Variants in REV1 observed in about 807,000 individuals in gnomAD.
The protein encoded by REV1 is translesion synthesis protein REV1.
A neutral mutation model predicts 137.4 loss-of-function variants in REV1; 42 were observed. The observed-to-expected ratio is 0.31, with a 90% CI of 0.24 to 0.40. The LOEUF (loss-of-function observed/expected upper bound fraction) is 0.40. Ranked by LOEUF, REV1 falls within the 10% of genes least tolerant of loss-of-function variation. The pLI, the probability that REV1 is intolerant of heterozygous loss-of-function variation, is 1.00. For synonymous variants in REV1, 524 were observed against 519.2 expected, an observed-to-expected ratio of 1.01 and a Z score of -0.12; for missense variants, 1,282 against 1,490.1, an observed-to-expected ratio of 0.86 and a Z score of 2.30.
intron 7 of REV1, 81 bp downstream of exon 7, chr2:99,435,753 A>T (rs543056409): frequency 3.0e-4 from 223 of 739,570 alleles, no homozygotes; most frequent in African/African-American, 2.5e-3. Context: ...ATAATTTTTT[A>T]AAAAAAGATT....
At chr2:99,489,109 A>C (rs1446883812) in intron 1 of REV1, among the ~76,000 whole-genome samples, 1 of 152,212 alleles carries the variant, frequency 6.6e-6, no homozygotes, top group African/African-American at 2.4e-5. Context: ...CGGTGCGCCC[A>C]GAGCGGCGTC....
intron 1 of REV1, among the ~76,000 whole-genome samples, chr2:99,488,723 C>T (rs541403203): frequency 2.2e-4 from 33 of 152,244 alleles, no homozygotes; most frequent in African/African-American, 7.9e-4. Flanking sequence ...GGCTGATTTG[C>T]TACATACAGA....
chr2:99,450,104 G>A (rs1467770045), intron 3 of REV1, among the ~76,000 whole-genome samples: 1 of 151,652 alleles, frequency 6.6e-6, no homozygotes, highest in African/African-American at 2.4e-5. Flanking sequence ...ATTTCATTAA[G>A]GCCAAAAAAT....
At chr2:99,448,299 C>G (rs1308243270) in intron 4 of REV1, among the ~76,000 whole-genome samples, 4 of 147,460 alleles carry the variant, frequency 2.7e-5, no homozygotes, top group Admixed American at 2.6e-4. Context: ...CATAAAATTA[C>G]TACTTTAATA....
At chr2:99,454,943 G>C (rs1683378469) in intron 3 of REV1, among the ~76,000 whole-genome samples, 1 of 152,168 alleles carries the variant, frequency 6.6e-6, no homozygotes, top group African/African-American at 2.4e-5. Flanking sequence ...AATGTCACAA[G>C]AGCAAATGCC....
intron 2 of REV1, among the ~76,000 whole-genome samples, chr2:99,463,588 T>A (rs1032280915): frequency 6.6e-6 from 1 of 152,178 alleles, no homozygotes; most frequent in African/African-American, 2.4e-5. Flanking sequence ...CACCAAAGTT[T>A]AAACCAATTA....
Position 99,410,855 on chromosome 2 carries a change from C to T in REV1, c.2185G>A (p.Glu729Lys). The T allele has an allele frequency of 6.3e-7, 1 of 1,586,364 alleles. No individual in the cohort carries two copies. Among genetic ancestry groups the T allele is most frequent in the Non-Finnish European group, 8.5e-7 (1 of 1,172,894 alleles). Reference protein sequence around the residue: ...GIRFTQPKEAEAFLLSLSEEI... With the variant: ...GIRFTQPKEAKAFLLSLSEEI... ...TCTGAAAGACTCAGAAGAAAAGCTT[C>T]TGCCTCTTTTGGCTATGGAAAGACA... Residue 729 changes from glutamate to lysine, a missense_variant, in exon 14 of 23, where the codon GAA becomes AAA. Coordinates refer to ENST00000258428, the MANE Select transcript of REV1 (RefSeq NM_016316.4).
At chr2:99,430,947 T>G (rs1329747112) in intron 8 of REV1, among the ~76,000 whole-genome samples, 2 of 152,044 alleles carry the variant, frequency 1.3e-5, no homozygotes, top group Non-Finnish European at 2.9e-5. Flanking sequence ...ACCCAAAATA[T>G]ATCACTTCAG....
intron 13 of REV1, among the ~76,000 whole-genome samples, chr2:99,411,157 G>A (rs1227409099): frequency 6.6e-6 from 1 of 151,890 alleles, no homozygotes; most frequent in Non-Finnish European, 1.5e-5. Flanking sequence ...GCGTGGTGGC[G>A]GGTGCCTGTA....
chr2:99,465,527 C>A (rs1684697635), intron 1 of REV1, among the ~76,000 whole-genome samples: 1 of 152,210 alleles, frequency 6.6e-6, no homozygotes, highest in South Asian at 2.1e-4. Flanking sequence ...AATAGTAAAT[C>A]TGTCATTCTC....
chr2:99,434,327 T>G lies in REV1; in HGVS notation c.1438+5A>C, dbSNP rs1435513088. On this transcript the variant is annotated splice_donor_5th_base_variant and intron_variant, in intron 8 of 22. Transcript: ENST00000258428. ...ACTAAGACTTCAAAGAGAGCTCATT[T>G]GTACCTGCTTTGCCTTTCAGGATTT... 1.9e-6 allele frequency: 3 copies of G among 1,585,422 alleles called. No individual in the cohort carries two copies. The African/African-American group carries it at 4.1e-5, about 22-fold the overall frequency.
chr2:99,488,698 T>C (rs902191402), intron 1 of REV1, among the ~76,000 whole-genome samples: 2 of 152,198 alleles, frequency 1.3e-5, no homozygotes, highest in African/African-American at 2.4e-5. Flanking sequence ...GGTGGACAGA[T>C]AGATGGTTCC....
At chr2:99,462,359 T>A in intron 3 of REV1, 137 bp downstream of exon 3, 1 of 814,408 alleles carries the variant, frequency 1.2e-6, no homozygotes, top group Non-Finnish European at 1.9e-6. Context: ...AAGAAGTATC[T>A]AAGCAGATGA....
intron 1 of REV1, among the ~76,000 whole-genome samples, chr2:99,488,621 G>A (rs561999382): frequency 2.0e-5 from 3 of 152,214 alleles, no homozygotes; most frequent in Non-Finnish European, 4.4e-5. Flanking sequence ...TCCAGTACAG[G>A]AAGGCAGGGA....
intron 1 of REV1, among the ~76,000 whole-genome samples, chr2:99,478,704 A>C (rs1027996582): frequency 7.2e-5 from 11 of 152,242 alleles, no homozygotes; most frequent in African/African-American, 2.4e-4. Flanking sequence ...TAAAGCAGTA[A>C]TTCTCACACG....
intron 3 of REV1, 47 bp downstream of exon 3, chr2:99,462,449 C>A: frequency 1.3e-6 from 2 of 1,526,992 alleles, no homozygotes; most frequent in Non-Finnish European, 1.8e-6. Flanking sequence ...ATTCTCAATC[C>A]TAATAAAAAT....
intron 1 of REV1, among the ~76,000 whole-genome samples, chr2:99,475,554 G>C (rs1169458545): frequency 6.6e-6 from 1 of 152,142 alleles, no homozygotes; most frequent in Non-Finnish European, 1.5e-5. Flanking sequence ...TTACAGACCT[G>C]ACAAATTCTA....
At chr2:99,421,842 C>T (rs529907930) in intron 10 of REV1, among the ~76,000 whole-genome samples, 189 bp from the exon 11 acceptor site, 4 of 152,196 alleles carry the variant, frequency 2.6e-5, no homozygotes, top group South Asian at 2.1e-4. Context: ...TTCTCTTTCT[C>T]CTTATTAACT....
chr2:99,482,369 T>A (rs1321339183), intron 1 of REV1, among the ~76,000 whole-genome samples: 2 of 152,226 alleles, frequency 1.3e-5, no homozygotes, highest in African/African-American at 4.8e-5. Context: ...GAACAGCACT[T>A]TCCTGAGGTC....
Sources: gnomAD v4.1 joint callset for allele counts (sites outside exome capture counted in the v4.1 genomes callset) on GRCh38, gnomAD v4.1.1 for gene constraint, MANE v1.5 for transcripts, NCBI Gene and HGNC (gene_info 2026-07-23, HGNC 2026-07-21) for gene names.